XKR6: variants seen among roughly 807,000 people sequenced by gnomAD.
The protein encoded by XKR6 is XK related 6.
XKR6 carries 22 observed loss-of-function variants against 56.7 expected under a neutral mutation model. The ratio of observed to expected loss-of-function variants is 0.39; its 90% CI spans 0.28 to 0.55. The LOEUF is 0.55. Ranked by LOEUF, XKR6 falls within the 20% of genes least tolerant of loss-of-function variation. The probability of loss-of-function intolerance (pLI) is 0.66; values close to 1 mark genes in which losing one functional copy is unlikely to be tolerated. For missense variants in XKR6, 852 were observed against 889.0 expected, an observed-to-expected ratio of 0.96 and a Z score of 0.53; for synonymous variants, 524 against 387.8, an observed-to-expected ratio of 1.35 and a Z score of -4.13.
intron 1 of XKR6, among the ~76,000 whole-genome samples, chr8:11,183,012 C>G (rs1459887343): frequency 1.3e-5 from 2 of 152,154 alleles, no homozygotes; most frequent in Admixed American, 1.3e-4. Flanking sequence ...AGAATGTCCT[C>G]CAGGTTCATC....
rs185934361 is a variant in XKR6, at chr8:11,069,759, C to T, written c.764+130817G>A. 1.2e-3 allele frequency among the ~76,000 whole-genome samples: 190 copies of T among 152,260 alleles called. 1 individual carries two copies. Among genetic ancestry groups the T allele is most frequent in the African/African-American group, 4.5e-3 (186 of 41,544 alleles). ...TTCTTTACTGCAGAGCCTCCAGAGC[C>T]TTCAGTGCACTACTGTGCAACTGGA... On this transcript the variant is annotated intron_variant, in intron 1 of 2. Transcript: ENST00000416569.
intron 2 of XKR6, among the ~76,000 whole-genome samples, chr8:10,915,208 G>GT (rs775676318): frequency 1.3e-5 from 2 of 152,218 alleles, no homozygotes; most frequent in African/African-American, 2.4e-5. Context: ...AGGGTTTTCT[G>GT]TTTTTTCATT....
At chr8:11,045,169 C>A (rs1446313372) in intron 1 of XKR6, among the ~76,000 whole-genome samples, 1 of 142,518 alleles carries the variant, frequency 7.0e-6, no homozygotes, top group Admixed American at 7.6e-5. Flanking sequence ...TCATTGCAAC[C>A]TCTGCCTCCA....
At chr8:10,970,471 C>A (rs909471767) in intron 1 of XKR6, among the ~76,000 whole-genome samples, 8 of 152,146 alleles carry the variant, frequency 5.3e-5, no homozygotes, top group African/African-American at 1.9e-4. Flanking sequence ...GACACAAGGT[C>A]TCAATAACAC....
chr8:11,006,840 C>T (rs952669378), intron 1 of XKR6, among the ~76,000 whole-genome samples: 2 of 152,212 alleles, frequency 1.3e-5, no homozygotes, highest in Non-Finnish European at 2.9e-5. Flanking sequence ...TACCAGCTGC[C>T]TCCTCTCTCT....
intron 1 of XKR6, among the ~76,000 whole-genome samples, chr8:11,159,914 C>A (rs1446688346): frequency 2.0e-5 from 3 of 152,114 alleles, no homozygotes; most frequent in Non-Finnish European, 2.9e-5. Flanking sequence ...TATCTCATGA[C>A]CCCAAGGGCA....
At chr8:11,069,978 G>A (rs549572916) in intron 1 of XKR6, among the ~76,000 whole-genome samples, 5 of 152,312 alleles carry the variant, frequency 3.3e-5, no homozygotes, top group East Asian at 3.9e-4. Context: ...CATGACTTCC[G>A]CCCTTCTGCA....
At chr8:10,956,168 T>C (rs1424361504) in intron 1 of XKR6, among the ~76,000 whole-genome samples, 1 of 151,184 alleles carries the variant, frequency 6.6e-6, no homozygotes, top group East Asian at 1.9e-4. Flanking sequence ...CAGGAGGAAG[T>C]AGGCAGAAAG....
chr8:11,195,090 C>A (rs868398800), intron 1 of XKR6: 62 of 702,266 alleles, frequency 8.8e-5, no homozygotes, highest in African/African-American at 6.8e-4. Context: ...AACCCACTTA[C>A]CCTCACAGCT....
chr8:11,149,135 C>G (rs1801139587), intron 1 of XKR6, among the ~76,000 whole-genome samples: 1 of 152,150 alleles, frequency 6.6e-6, no homozygotes, highest in Non-Finnish European at 1.5e-5. Context: ...GAATCAGGAG[C>G]CCGTGGGAGG....
chr8:11,001,787 GT>G (rs1446024592), intron 1 of XKR6, among the ~76,000 whole-genome samples: 15 of 152,328 alleles, frequency 9.8e-5, no homozygotes, highest in African/African-American at 3.6e-4. Flanking sequence ...CAGCCTCCCA[GT>G]GGGCAGAGCA....
intron 1 of XKR6, among the ~76,000 whole-genome samples, chr8:11,142,977 A>C (rs1268985559): frequency 1.3e-5 from 2 of 152,350 alleles, no homozygotes; most frequent in East Asian, 3.9e-4. Context: ...ATTATTTTGA[A>C]AGCTGTGTAA....
At chr8:11,094,083 CTT>C (rs35652292) in intron 1 of XKR6, among the ~76,000 whole-genome samples, 4 of 137,774 alleles carry the variant, frequency 2.9e-5, no homozygotes, top group Admixed American at 7.3e-5. Flanking sequence ...CGCGCCCGGC[CTT>C]TTTTTTTTTT....
intron 1 of XKR6, among the ~76,000 whole-genome samples, chr8:11,077,673 C>T (rs1800309964): frequency 6.6e-6 from 1 of 152,134 alleles, no homozygotes; most frequent in South Asian, 2.1e-4. Flanking sequence ...TGGCTGTTTC[C>T]CCGCCCAGCT....
At chr8:10,988,031 C>A (rs1346081180) in intron 1 of XKR6, among the ~76,000 whole-genome samples, 1 of 152,016 alleles carries the variant, frequency 6.6e-6, no homozygotes, top group East Asian at 1.9e-4. Context: ...CACTGAAAAA[C>A]AAAAAACAAA....
At chr8:11,180,857 T>C (rs1327783354) in intron 1 of XKR6, among the ~76,000 whole-genome samples, 2 of 152,194 alleles carry the variant, frequency 1.3e-5, no homozygotes, top group Non-Finnish European at 2.9e-5. Context: ...CAGTGCATTA[T>C]GATCATGTTA....
At chr8:11,130,104 C>A (rs1421299547) in intron 1 of XKR6, among the ~76,000 whole-genome samples, 1 of 152,098 alleles carries the variant, frequency 6.6e-6, no homozygotes, top group Non-Finnish European at 1.5e-5. Flanking sequence ...TCTGAAAAGA[C>A]AAGAAGGTCC....
intron 1 of XKR6, among the ~76,000 whole-genome samples, chr8:11,157,953 G>A (rs985203804): frequency 4.6e-5 from 7 of 152,186 alleles, no homozygotes; most frequent in Non-Finnish European, 1.0e-4. Context: ...TATAAAGGGT[G>A]TTACACTCAA....
chr8:10,922,073 C>A (rs967028059), intron 2 of XKR6, among the ~76,000 whole-genome samples: 1 of 152,216 alleles, frequency 6.6e-6, no homozygotes, highest in African/African-American at 2.4e-5. Flanking sequence ...GGGGATGCAG[C>A]CCTCATTAGG....
Sources: gnomAD v4.1 joint callset for allele counts (sites outside exome capture counted in the v4.1 genomes callset) on GRCh38, gnomAD v4.1.1 for gene constraint, MANE v1.5 for transcripts, NCBI Gene and HGNC (gene_info 2026-07-23, HGNC 2026-07-21) for gene names.